DNAH14: variants seen among roughly 807,000 people sequenced by gnomAD.
The protein encoded by DNAH14 is axonemal beta dynein heavy chain 14.
In DNAH14, 478 loss-of-function variants were observed where a neutral mutation model predicts 520.9. The observed-to-expected ratio is 0.92, with a 90% confidence interval of 0.85 to 0.99. The LOEUF (loss-of-function observed/expected upper bound fraction) is 0.99, where lower values mean the gene tolerates loss of function less well. Ranked by LOEUF, DNAH14 falls within the 50% of genes least tolerant of loss-of-function variation. DNAH14 has a pLI of 0.00. For missense variants in DNAH14, 4,831 were observed against 5,234.5 expected (o/e 0.92, Z 2.38); for synonymous variants, 1,581 against 1,757.2 (o/e 0.90, Z 2.51).
At chr1:225,392,475 GAAAC>G in intron 84 of DNAH14, 24 bp downstream of exon 84, 1 of 1,550,322 alleles carries the variant, frequency 6.5e-7, no homozygotes, top group Admixed American at 2.0e-5. Context: ...TCAAGGATTA[GAAAC>G]GGTGATCATT....
Position 225,380,324 on chromosome 1 carries a change from T to C in DNAH14, c.12880+2T>C. 1.9e-6 allele frequency: 3 copies of C among 1,550,418 alleles called. No individual in the cohort carries two copies. The highest frequency in any genetic ancestry group is 1.2e-5 in the South Asian group (1 of 83,858). ...AGTCTCTTTCTAAAAATCTCAAAGG[T>C]GAGCATGGGACAGGAGCTTTTTCCC... On this transcript the variant is annotated splice_donor_variant, in intron 80 of 85. Coordinates refer to ENST00000682510, the MANE Select transcript of DNAH14 (RefSeq NM_001367479.1). LOFTEE classifies it high-confidence loss of function.
intron 60 of DNAH14, among the ~76,000 whole-genome samples, chr1:225,315,813 A>G (rs1319489614): frequency 6.6e-6 from 1 of 152,166 alleles, no homozygotes; most frequent in African/African-American, 2.4e-5. Context: ...TGGAAGCTTC[A>G]TCCAAGAGGG....
chr1:225,335,375 GTGTATA>G lies in DNAH14; in HGVS notation c.10080+1872_10080+1877del, dbSNP rs1432769727. On this transcript the variant is annotated intron_variant, in intron 66 of 85. Coordinates refer to ENST00000682510, the MANE Select transcript of DNAH14 (RefSeq NM_001367479.1). ...TATGCATATACACGTGTACATGTGT[GTGTATA>G]TGCACATATACACATGTGTACATGT... Among the ~76,000 whole-genome samples, 27 of 83,186 alleles carry G rather than the reference GTGTATA, an allele frequency of 3.2e-4. 3 individuals carry two copies. The highest frequency in any genetic ancestry group is 2.6e-3 in the South Asian group (6 of 2,282). 54.6% of individuals were successfully genotyped at this position (83,186 alleles called of 152,430 possible). A position where few individuals can be genotyped will look rare whatever the true frequency, so the allele number is the denominator to read the frequency against.
intron 58 of DNAH14, 62 bp from the exon 59 acceptor site, chr1:225,307,399 C>T: frequency 8.5e-7 from 1 of 1,173,372 alleles, no homozygotes; most frequent in Non-Finnish European, 1.2e-6. Flanking sequence ...TATATATTAT[C>T]AAATTATATT....
intron 43 of DNAH14, among the ~76,000 whole-genome samples, chr1:225,243,973 G>T (rs1184773422): frequency 7.9e-5 from 12 of 151,994 alleles, no homozygotes; most frequent in Admixed American, 7.2e-4. Flanking sequence ...TATGATATTG[G>T]CTATGGGTTT....
intron 59 of DNAH14, among the ~76,000 whole-genome samples, chr1:225,307,876 A>G (rs560994085): frequency 2.6e-5 from 4 of 152,360 alleles, no homozygotes; most frequent in Non-Finnish European, 5.9e-5. Context: ...AGTTAAATCC[A>G]TCTGAAATAT....
chr1:225,032,450 A>G (rs1420655931), intron 11 of DNAH14, among the ~76,000 whole-genome samples: 1 of 152,088 alleles, frequency 6.6e-6, no homozygotes, highest in African/African-American at 2.4e-5. Flanking sequence ...CATGGTGTAT[A>G]TGTACCACAT....
chr1:225,180,353 C>T (rs1018045167), intron 36 of DNAH14, among the ~76,000 whole-genome samples: 1 of 152,010 alleles, frequency 6.6e-6, no homozygotes, highest in African/African-American at 2.4e-5. Context: ...TTTTGTGTTG[C>T]TATAAAGAAA....
intron 11 of DNAH14, 50 bp from the exon 12 acceptor site, chr1:225,038,644 A>G: frequency 6.7e-7 from 1 of 1,484,340 alleles, no homozygotes; most frequent in Non-Finnish European, 9.0e-7. Flanking sequence ...TTATATATGT[A>G]GATATAAATG....
At chr1:224,960,876 A>C (rs2060803085) in intron 4 of DNAH14, among the ~76,000 whole-genome samples, 1 of 152,152 alleles carries the variant, frequency 6.6e-6, no homozygotes, top group South Asian at 2.1e-4. Flanking sequence ...CACAGGCTTC[A>C]TCCCTTCATC....
Position 224,968,667 on chromosome 1 carries a change from G to A in DNAH14, c.652-92G>A, listed in dbSNP as rs1246333040. 1.2e-5 allele frequency: 10 copies of A among 805,372 alleles called. No homozygotes were observed. The East Asian group carries it at 2.9e-4, about 23-fold the overall frequency. 49.9% of individuals were successfully genotyped at this position (805,372 alleles called of 1,614,324 possible). ...TTATAAAGGCAAGAAGTTACAAGAA[G>A]TTATCAGCCAAATACAGGCTTTCTT... On this transcript the variant is annotated intron_variant, in intron 6 of 85. Coordinates refer to ENST00000682510, the MANE Select transcript of DNAH14 (RefSeq NM_001367479.1).
At chr1:225,145,808 G>C (rs964820725) in intron 30 of DNAH14, among the ~76,000 whole-genome samples, 6 of 152,232 alleles carry the variant, frequency 3.9e-5, no homozygotes, top group African/African-American at 1.4e-4. Flanking sequence ...TGTTTATATA[G>C]ATAATGATTA....
At chr1:225,112,481 C>T (rs2076558557) in intron 23 of DNAH14, among the ~76,000 whole-genome samples, 2 of 152,086 alleles carry the variant, frequency 1.3e-5, no homozygotes, top group African/African-American at 4.8e-5. Flanking sequence ...TGTTCTATAA[C>T]CTTCTTGTAC....
intron 11 of DNAH14, among the ~76,000 whole-genome samples, chr1:225,034,515 T>TTTTGTGTGTG (rs1553397015): frequency 6.8e-6 from 1 of 147,704 alleles, no homozygotes; most frequent in African/African-American, 2.5e-5. Flanking sequence ...TGGCTTGAAT[T>TTTTGTGTGTG]TGTGTGTGTG....
At chr1:224,966,033 G>A (rs1487632969) in intron 5 of DNAH14, among the ~76,000 whole-genome samples, 1 of 151,946 alleles carries the variant, frequency 6.6e-6, no homozygotes, top group African/African-American at 2.4e-5. Context: ...TGGAAGATTT[G>A]TATCTACCTT....
intron 26 of DNAH14, among the ~76,000 whole-genome samples, chr1:225,120,312 A>T (rs2148876699): frequency 6.6e-6 from 1 of 152,334 alleles, no homozygotes; most frequent in South Asian, 2.1e-4. Context: ...CAGCTGATCC[A>T]TCAAGTGCAG....
Position 225,153,814 on chromosome 1 carries a change from G to A in DNAH14, c.5261G>A (p.Arg1754Gln), listed in dbSNP as rs1044809802. The A allele has an allele frequency of 1.9e-5, 29 of 1,549,406 alleles. No homozygotes were observed. Among genetic ancestry groups the A allele is most frequent in the East Asian group, 4.9e-5 (2 of 40,844 alleles). ...TTAATAATGGCTGGAACGAAGAAAC[G>A]GGAGTTTAAATGGTCAGTTGAATTT... ...IVLIMAGTKK[R>Q]EFKCDTSDSL... Residue 1754 changes from arginine (R) to glutamine (Q), a missense_variant, in exon 34 of 86, where the codon CGG becomes CAG. By Grantham distance (43) the Arg-to-Gln change is conservative (BLOSUM62 1). Coordinates refer to ENST00000682510, the MANE Select transcript of DNAH14 (RefSeq NM_001367479.1).
intron 66 of DNAH14, among the ~76,000 whole-genome samples, chr1:225,335,381 A>ATACACGTGTGTACATGTGTGTG (rs1558428230): frequency 0.011 from 759 of 66,474 alleles, 158 homozygotes; most frequent in East Asian, 0.091. Flanking sequence ...GTGTGTGTAT[A>ATACACGTGTGTACATGTGTGTG]TGCACATATA....
chr1:224,966,644 G>C (rs1010766537), intron 5 of DNAH14, among the ~76,000 whole-genome samples: 1 of 152,074 alleles, frequency 6.6e-6, no homozygotes, highest in Admixed American at 6.6e-5. Flanking sequence ...ACCATTTCCT[G>C]AATTTGTGAC....
Sources: gnomAD v4.1 joint callset for allele counts (sites outside exome capture counted in the v4.1 genomes callset) on GRCh38, gnomAD v4.1.1 for gene constraint, MANE v1.5 for transcripts, NCBI Gene and HGNC (gene_info 2026-07-23, HGNC 2026-07-21) for gene names.